Variants in MIR17HG observed in about 807,000 individuals in gnomAD.
The protein encoded by MIR17HG is MIR17 host gene (non-protein coding).
intron 1 of MIR17HG, among the ~76,000 whole-genome samples, chr13:91,348,952 C>G (rs1341586602): frequency 6.7e-6 from 1 of 149,256 alleles, no homozygotes; most frequent in Non-Finnish European, 1.5e-5. Context: ...AAAGGAGGGG[C>G]GGCGCGCCCG....
At chr13:91,353,790 T>A (rs1875442391) in intron 3 of MIR17HG, 1 of 152,126 alleles carries the variant, frequency 6.6e-6, no homozygotes. Context: ...CTTTTTTTTT[T>A]TTTTTTGGCG....
chr13:91,354,226 A>G (rs1315774527), exon 4 of MIR17HG: 4 of 152,200 alleles, frequency 2.6e-5, no homozygotes, highest in Non-Finnish European at 5.9e-5. Flanking sequence ...GAGACTTCAG[A>G]TTATTCTTTA....
intron 3 of MIR17HG, chr13:91,351,510 C>T (rs1875313793): frequency 2.6e-6 from 1 of 386,760 alleles, no homozygotes; most frequent in Non-Finnish European, 5.6e-6. Flanking sequence ...TGTGTAAATA[C>T]ATCTTGTCTT....
chr13:91,350,948 C>G (rs1323869733), intron 3 of MIR17HG: 1 of 533,498 alleles, frequency 1.9e-6, no homozygotes, highest in Non-Finnish European at 3.9e-6. Context: ...TTGTGCAAAT[C>G]TATGCAAAAC....
chr13:91,351,172 C>T (rs779808798), intron 3 of MIR17HG: 1 of 525,664 alleles, frequency 1.9e-6, no homozygotes, highest in Non-Finnish European at 4.0e-6. Context: ...GTCGCCCAAT[C>T]AAACTGTCCT....
At chr13:91,353,261 C>A (rs999569676) in intron 3 of MIR17HG, among the ~76,000 whole-genome samples, 15 of 151,868 alleles carry the variant, frequency 9.9e-5, no homozygotes, top group African/African-American at 3.6e-4. Context: ...CTTAAATATT[C>A]TAAAATGTAA....
At position 91,353,109 on chromosome 13, in the gene MIR17HG, CAAAAAAAAAAAAA is replaced by C. The variant is rs549062236; in HGVS notation, n.285-809_285-797del. Among the ~76,000 whole-genome samples, 114 of 28,886 alleles carry C rather than the reference CAAAAAAAAAAAAA, an allele frequency of 3.9e-3. 2 individuals carry two copies. Among genetic ancestry groups the C allele is most frequent in the African/African-American group, 0.014 (105 of 7,758 alleles). 19.0% of individuals were successfully genotyped at this position (28,886 alleles called of 152,430 possible). Reference sequence around the variant, plus strand: ...TGGGCGCAAGACCAAGACTTAAACGCAAAAAAAAAAAAAAAAAAAAAAAAAAAGTTTCATAATA... The same window carrying C: ...TGGGCGCAAGACCAAGACTTAAACGCAAAAAAAAAAAAAAGTTTCATAATA... On this transcript the variant is annotated intron_variant and non_coding_transcript_variant, in intron 3 of 3. Coordinates refer to ENST00000400282, the Ensembl canonical transcript of MIR17HG.
chr13:91,352,873 C>G (rs1875390238), intron 3 of MIR17HG, among the ~76,000 whole-genome samples: 1 of 152,046 alleles, frequency 6.6e-6, no homozygotes, highest in Non-Finnish European at 1.5e-5. Context: ...CTTGGGGAGG[C>G]TGAGGCAGAC....
exon 4 of MIR17HG, chr13:91,354,302 C>T (rs1040782488): frequency 1.3e-5 from 2 of 152,152 alleles, no homozygotes; most frequent in Non-Finnish European, 2.9e-5. Context: ...GCCTTGATAA[C>T]ATTTCATATG....
intron 3 of MIR17HG, chr13:91,351,357 A>G (rs374040259): frequency 8.1e-5 from 43 of 530,594 alleles, no homozygotes; most frequent in Non-Finnish European, 1.4e-4. Context: ...GTGTTTCTGT[A>G]TGGTATTGCA....
At chr13:91,350,416 A>G (rs1875241954) in intron 3 of MIR17HG, 1 of 351,172 alleles carries the variant, frequency 2.8e-6, no homozygotes, top group South Asian at 2.2e-5. Flanking sequence ...TTCTTAAGGC[A>G]TAAATACGTG....
chr13:91,350,546 A>G (rs1244104323), intron 3 of MIR17HG: 2 of 532,392 alleles, frequency 3.8e-6, no homozygotes, highest in Non-Finnish European at 7.7e-6. Flanking sequence ...CTAATTATCT[A>G]TTTCAAATTT....
intron 1 of MIR17HG, among the ~76,000 whole-genome samples, chr13:91,348,755 C>G (rs1260103605): frequency 6.7e-6 from 1 of 150,194 alleles, no homozygotes. Context: ...CCCGGCTCGG[C>G]GGGAGCGGCG....
chr13:91,352,985 C>T (rs989915673), intron 3 of MIR17HG, among the ~76,000 whole-genome samples: 1 of 151,814 alleles, frequency 6.6e-6, no homozygotes, highest in Admixed American at 6.6e-5. Flanking sequence ...TGGCGTGCAC[C>T]TGTAATCCCA....
At chr13:91,351,342 A>G (rs778492035) in intron 3 of MIR17HG, 1 of 531,464 alleles carries the variant, frequency 1.9e-6, no homozygotes, top group South Asian at 1.4e-5. Context: ...ATCGGTTGCA[A>G]TGCTGTGTTT....
At position 91,349,428 on chromosome 13, in the gene MIR17HG, G is replaced by A. The variant is rs530443081; in HGVS notation, n.141-270G>A. ...GAGCTGTACAGTGGAGTCGGTGATT[G>A]CTGCTGATCATAATCAAGTATTTTA... On this transcript the variant is annotated intron_variant and non_coding_transcript_variant, in intron 1 of 3. Coordinates refer to ENST00000400282, the Ensembl canonical transcript of MIR17HG. 4.5e-4 allele frequency among the ~76,000 whole-genome samples: 68 copies of A among 151,976 alleles called. 2 individuals are homozygous for A. In the South Asian group the frequency reaches 0.014, roughly 31 times the overall value.
At position 91,350,233 on chromosome 13, in the gene MIR17HG, A is replaced by T. The variant is rs142897916; in HGVS notation, n.284+7A>T. ...TGAAGATTTCCTCTAAAAGGTACAC[A>T]TGGACTAAATTGCCTTTAAATGTTC... On this transcript the variant is annotated splice_region_variant and intron_variant and non_coding_transcript_variant, in intron 3 of 3. Transcript: ENST00000400282. 6 of 202,068 alleles carry T rather than the reference A, an allele frequency of 3.0e-5. No homozygotes were observed. The East Asian group carries it at 7.5e-4, about 25-fold the overall frequency. 12.5% of individuals were successfully genotyped at this position (202,068 alleles called of 1,614,324 possible).
At chr13:91,348,867 G>T (rs1331132154) in intron 1 of MIR17HG, among the ~76,000 whole-genome samples, 1 of 149,006 alleles carries the variant, frequency 6.7e-6, no homozygotes, top group Admixed American at 6.7e-5. Context: ...CTTAGGCCTC[G>T]GGCCGCGTGC....
At chr13:91,352,281 C>T (rs553431888) in intron 3 of MIR17HG, 4 of 152,154 alleles carry the variant, frequency 2.6e-5, no homozygotes, top group Non-Finnish European at 5.9e-5. Context: ...TTTCTGCCTT[C>T]TCTCTTTTCT....
Sources: allele counts gnomAD v4.1 joint callset (sites outside exome capture counted in the v4.1 genomes callset), GRCh38; gene constraint gnomAD v4.1.1; transcripts MANE v1.5; gene names NCBI Gene and HGNC (gene_info 2026-07-23, HGNC 2026-07-21).